FAM219B: variants seen among roughly 807,000 people sequenced by gnomAD.
FAM219B encodes protein FAM219B.
In FAM219B, 18 loss-of-function variants were observed where a neutral mutation model predicts 19.9. The ratio of observed to expected loss-of-function variants is 0.91; its 90% CI spans 0.63 to 1.34. The LOEUF is 1.34. FAM219B is among the 40% of genes most tolerant of loss of function. FAM219B has a pLI of 0.00. For synonymous variants in FAM219B, 123 were observed against 117.5 expected (o/e 1.05, Z -0.30); for missense variants, 283 against 270.5 (o/e 1.05, Z -0.32).
intron 2 of FAM219B, 127 bp from the exon 3 acceptor site, chr15:74,905,358 C>A (rs1327738800): frequency 2.5e-6 from 2 of 790,962 alleles, no homozygotes; most frequent in Non-Finnish European, 4.2e-6. Context: ...TCTCCCTGGT[C>A]ACAGCCACCA....
At chr15:74,902,897 C>T (rs1321644552) in intron 4 of FAM219B, 111 bp from the exon 5 acceptor site, 2 of 1,180,840 alleles carry the variant, frequency 1.7e-6, no homozygotes, top group Admixed American at 2.5e-5. Context: ...ATGTCCCACC[C>T]CAGGCCAACC....
Position 74,906,661 on chromosome 15 carries a change from T to C in FAM219B, c.140A>G (p.Glu47Gly). 1 of 1,505,160 alleles carries C rather than the reference T, an allele frequency of 6.6e-7. No individual in the cohort carries two copies. Among genetic ancestry groups the C allele is most frequent in the Non-Finnish European group, 8.8e-7 (1 of 1,131,442 alleles). The allele number at this position is 1,505,160 out of a possible 1,614,324, so 93.2% of individuals were successfully genotyped here. The change falls in exon 1 of 5, where the codon GAG (glutamate) becomes GGG (glycine). Residue 47 changes from glutamate to glycine, a missense_variant. By Grantham distance (98) the Glu-to-Gly change is moderately conservative. Transcript: ENST00000357635. ...CTTTTCCACGGCCGCGGGGGTGCGCTCCCCCAGACGGAGGGCTCTATTACC... is the reference window on the plus strand; with the variant it reads ...CTTTTCCACGGCCGCGGGGGTGCGCCCCCCCAGACGGAGGGCTCTATTACC... The part of the protein sequence containing the change: ...QIGNRALRLG[E>G]RTPAAVEKRG...
At chr15:74,904,939 C>A (rs964197879) in intron 3 of FAM219B, 24 of 1,522,118 alleles carry the variant, frequency 1.6e-5, no homozygotes, top group Non-Finnish European at 2.1e-5. Context: ...GCAGGATGAT[C>A]CCCCGGACAT....
downstream of FAM219B, chr15:74,898,973 TA>T (rs2064866165): frequency 6.6e-6 from 1 of 152,314 alleles, no homozygotes. Context: ...AGAGTTGCAC[TA>T]GACTGTACGG....
In FAM219B at chr15:74,905,453, T is replaced by C. The variant is rs1441428080; in HGVS notation, c.303-222A>G. 6.8e-6 allele frequency: 3 copies of C among 441,014 alleles called. No homozygotes were observed. The East Asian group carries it at 1.4e-4, about 20-fold the overall frequency. The allele number at this position is 441,014 out of a possible 1,614,324, so 27.3% of individuals were successfully genotyped here. A position where few individuals can be genotyped will look rare whatever the true frequency, so the allele number is the denominator to read the frequency against. ...TTTTTCTTTTTTTGGAGACAGAGTC[T>C]GGCCCTGTCACCCAGGCTGCAGTGC... On this transcript the variant is annotated intron_variant, in intron 2 of 4. Transcript: ENST00000357635.
Position 74,906,574 on chromosome 15 carries a change from G to A in FAM219B, c.214+13C>T, listed in dbSNP as rs746952866. ...CAGGGAGAAACCTCCCCCGACCATCGGGCCACACTCACGCAGCTTGGCTTG... is the reference window on the plus strand; with the variant it reads ...CAGGGAGAAACCTCCCCCGACCATCAGGCCACACTCACGCAGCTTGGCTTG... On this transcript the variant is annotated intron_variant, in intron 1 of 4. Transcript: ENST00000357635. 2 of 1,498,822 alleles carry A rather than the reference G, an allele frequency of 1.3e-6. No individual in the cohort carries two copies. The highest frequency in any genetic ancestry group is 1.9e-4 in the Middle Eastern group (1 of 5,356). 92.8% of individuals were successfully genotyped at this position (1,498,822 alleles called of 1,614,324 possible).
At chr15:74,903,846 C>A (rs928684620) in intron 4 of FAM219B, among the ~76,000 whole-genome samples, 3 of 152,118 alleles carry the variant, frequency 2.0e-5, no homozygotes, top group African/African-American at 7.2e-5. Flanking sequence ...GCTTCACTTG[C>A]CAGGATTTTA....
At chr15:74,903,736 T>C (rs2065071284) in intron 4 of FAM219B, among the ~76,000 whole-genome samples, 1 of 151,894 alleles carries the variant, frequency 6.6e-6, no homozygotes, top group African/African-American at 2.4e-5. Context: ...CTATTCTCTG[T>C]GACAGAAACT....
intron 2 of FAM219B, 184 bp downstream of exon 2, chr15:74,906,094 A>C: frequency 1.6e-6 from 1 of 639,014 alleles, no homozygotes; most frequent in Non-Finnish European, 2.7e-6. Flanking sequence ...CCTTTATCTG[A>C]TCCTATCACA....
At chr15:74,905,069 G>C in intron 3 of FAM219B, 85 bp downstream of exon 3, 1 of 1,600,876 alleles carries the variant, frequency 6.2e-7, no homozygotes, top group Non-Finnish European at 8.5e-7. Context: ...CCTTGGAGGA[G>C]ACAGGGAACA....
rs1459574808 is a variant in FAM219B at position 74,902,578 on chromosome 15, T to C, written c.*41A>G. On this transcript the variant is annotated 3_prime_UTR_variant, in exon 5 of 5. Transcript: ENST00000357635. ...GCTATGAGTGGCCAACAGGGCTCTG[T>C]AGGCCTCATGGTGAGCAGGGCCCAC... 6.4e-7 allele frequency: 1 copy of C among 1,557,668 alleles called. No individual in the cohort carries two copies. Among genetic ancestry groups the C allele is most frequent in the Non-Finnish European group, 8.7e-7 (1 of 1,150,390 alleles).
chr15:74,903,259 T>C (rs976192041), intron 4 of FAM219B, among the ~76,000 whole-genome samples: 1 of 152,098 alleles, frequency 6.6e-6, no homozygotes, highest in Non-Finnish European at 1.5e-5. Flanking sequence ...CAGAGGTGGG[T>C]TCCTGCAAAG....
intron 1 of FAM219B, 92 bp downstream of exon 1, chr15:74,906,475 CAGCTAACCCCTTCCCTCCGG>C: frequency 6.6e-7 from 1 of 1,519,518 alleles, no homozygotes; most frequent in Non-Finnish European, 8.9e-7. Flanking sequence ...GAGCAGGCTG[CAGCTAACCCCTTCCCTCCGG>C]GGCCGAGGCC....
chr15:74,898,354 G>C, downstream of FAM219B: 1 of 177,524 alleles, frequency 5.6e-6, no homozygotes, highest in Admixed American at 5.4e-5. Flanking sequence ...GGGGGAGTGA[G>C]CAGGCTACAC....
chr15:74,903,444 AG>A (rs1324171740), intron 4 of FAM219B, among the ~76,000 whole-genome samples: 4 of 151,912 alleles, frequency 2.6e-5, no homozygotes, highest in Non-Finnish European at 4.4e-5. Flanking sequence ...ACTAAAAAAT[AG>A]AAAAAATTAG....
intron 4 of FAM219B, among the ~76,000 whole-genome samples, chr15:74,903,627 AAAAG>A (rs1311106346): frequency 6.9e-6 from 1 of 145,554 alleles, no homozygotes. Context: ...AAAAAAAAGA[AAAAG>A]AAAAATAAAT....
chr15:74,906,475 C>T (rs988725096), intron 1 of FAM219B, 110 bp from the exon 2 acceptor site: 12 of 1,519,398 alleles, frequency 7.9e-6, no homozygotes, highest in Non-Finnish European at 1.1e-5. Context: ...GAGCAGGCTG[C>T]AGCTAACCCC....
chr15:74,906,185 G>C, intron 2 of FAM219B, 93 bp downstream of exon 2: 2 of 1,328,344 alleles, frequency 1.5e-6, no homozygotes, highest in South Asian at 2.6e-5. Flanking sequence ...GGAATCGCTA[G>C]CTCGGCCTTA....
chr15:74,906,121 G>C, intron 2 of FAM219B, 157 bp downstream of exon 2: 1 of 732,638 alleles, frequency 1.4e-6, no homozygotes. Flanking sequence ...AAGGAAAAGA[G>C]AGATTGTTCC....
Sources: gnomAD v4.1 joint callset for allele counts (sites outside exome capture counted in the v4.1 genomes callset) on GRCh38, gnomAD v4.1.1 for gene constraint, MANE v1.5 for transcripts, NCBI Gene and HGNC (gene_info 2026-07-23, HGNC 2026-07-21) for gene names.